The following KLHDC8A variants were observed in gnomAD, a reference collection of about 807,000 sequenced individuals.
KLHDC8A encodes the protein kelch domain containing 8A, also known as kelch domain-containing protein 8A.
In KLHDC8A, 21 loss-of-function variants were observed where a neutral mutation model predicts 33.1. That is an observed-to-expected ratio of 0.64 (90% CI 0.45 to 0.91). The LOEUF is 0.91. KLHDC8A is among the 40% of genes least tolerant of loss of function. The pLI, the probability that KLHDC8A is intolerant of heterozygous loss-of-function variation, is 0.00. For synonymous variants in KLHDC8A, 173 were observed against 193.5 expected, an observed-to-expected ratio of 0.89 and a Z score of 0.88; for missense variants, 435 against 483.3, an observed-to-expected ratio of 0.90 and a Z score of 0.94.
At chr1:205,356,296 T>A (rs1389122149) in intron 1 of KLHDC8A, among the ~76,000 whole-genome samples, 1 of 151,958 alleles carries the variant, frequency 6.6e-6, no homozygotes, top group Non-Finnish European at 1.5e-5. Context: ...TGGACAGCAA[T>A]CTTTGGAGTT....
chr1:205,344,286 A>C (rs1284440323), intron 1 of KLHDC8A: 1 of 152,282 alleles, frequency 6.6e-6, no homozygotes, highest in Non-Finnish European at 1.5e-5. Flanking sequence ...GAGGAGATGA[A>C]GTGAACAGCA....
chr1:205,355,689 A>G (rs1396984716), intron 1 of KLHDC8A, among the ~76,000 whole-genome samples: 1 of 152,176 alleles, frequency 6.6e-6, no homozygotes, highest in Non-Finnish European at 1.5e-5. Flanking sequence ...GTCATTGTAC[A>G]AAGGTGAAAA....
intron 2 of KLHDC8A, 77 bp downstream of exon 2, chr1:205,343,152 C>G (rs7549293): frequency 0.6 from 902,273 of 1,512,720 alleles, 270,488 homozygotes; most frequent in South Asian, 0.68. Context: ...CAGCAAATGC[C>G]TGTTGGTTTC....
intron 2 of KLHDC8A, among the ~76,000 whole-genome samples, chr1:205,342,359 C>T (rs1186896613): frequency 6.6e-6 from 1 of 152,246 alleles, no homozygotes; most frequent in Non-Finnish European, 1.5e-5. Flanking sequence ...AGAAGCCCCA[C>T]TGGCCATGCT....
At chr1:205,356,084 TC>T (rs1351690425) in intron 1 of KLHDC8A, among the ~76,000 whole-genome samples, 8 of 105,096 alleles carry the variant, frequency 7.6e-5, no homozygotes, top group East Asian at 2.5e-4. Context: ...CTTGTCCCCC[TC>T]CCCCCCTCCC....
intron 2 of KLHDC8A, among the ~76,000 whole-genome samples, chr1:205,340,106 C>T (rs1039382506): frequency 3.3e-5 from 5 of 152,046 alleles, no homozygotes; most frequent in Non-Finnish European, 5.9e-5. Context: ...CCTTGACCTC[C>T]TGGGCTCAAG....
rs72747079 is a variant in KLHDC8A, at chr1:205,354,202, G to A, written c.-190+2331C>T. Reference sequence around the variant, plus strand: ...ACAATAGTGACAGCTCCACATCAGCGCCATCTCCCTTTTCTTGCCTCTTTC... The same window carrying A: ...ACAATAGTGACAGCTCCACATCAGCACCATCTCCCTTTTCTTGCCTCTTTC... On this transcript the variant is annotated intron_variant, in intron 1 of 5. Transcript: ENST00000367155. Among the ~76,000 whole-genome samples, 1,064 of 152,304 alleles carry A rather than the reference G, an allele frequency of 7.0e-3. 6 individuals carry two copies. The highest frequency in any genetic ancestry group is 0.016 in the Admixed American group (238 of 15,306).
intron 1 of KLHDC8A, among the ~76,000 whole-genome samples, chr1:205,346,523 A>G (rs1441076400): frequency 6.6e-6 from 1 of 152,148 alleles, no homozygotes; most frequent in African/African-American, 2.4e-5. Context: ...TGTATGTTTT[A>G]TTTGTGTCAC....
At chr1:205,351,605 A>G (rs1218231932) in intron 1 of KLHDC8A, 2 of 83,698 alleles carry the variant, frequency 2.4e-5, no homozygotes, top group South Asian at 1.8e-4. Context: ...TAATAGTCAA[A>G]AAAAAAAAAA....
rs773339042 is a variant in KLHDC8A, at chr1:205,339,443, AG to A, written c.542-35del. 2.6e-4 allele frequency: 408 copies of A among 1,592,022 alleles called. No homozygotes were observed. Among genetic ancestry groups the A allele is most frequent in the Non-Finnish European group, 2.8e-4 (323 of 1,162,260 alleles). On this transcript the variant is annotated intron_variant, in intron 3 of 5. Transcript: ENST00000367155. The surrounding 1 kb of genome is among the most constrained non-coding windows in gnomAD (Gnocchi z 5.1). The stretch of plus-strand genomic sequence containing the variant: ...CAGAGCAGGATAGAGGTTGGGCAGA[AG>A]GGTTGTCCCTGAGGACAGCGACAGT...
At chr1:205,346,689 G>A (rs375316161) in intron 1 of KLHDC8A, among the ~76,000 whole-genome samples, 13 of 152,328 alleles carry the variant, frequency 8.5e-5, no homozygotes, top group East Asian at 1.9e-4. Context: ...CATGCAGGCC[G>A]TTCAGAGTGG....
Position 205,338,509 on chromosome 1 carries a change from A to T in KLHDC8A, c.845T>A (p.Val282Glu), listed in dbSNP as rs1662696261. The T allele has an allele frequency of 6.2e-7, 1 of 1,613,692 alleles. No homozygotes were observed. The highest frequency in any genetic ancestry group is 2.2e-5 in the East Asian group (1 of 44,880). ...VAGSLSGRVI[V>E]AGGLGNQPTV... ...GCCATCCTTACCAAGTCCCCCAGCC[A>T]CTATGACCCGTCCACTCAGAGAGCC... The change falls in exon 5 of 6, where the codon GTG becomes GAG. Residue 282 changes from valine (V) to glutamate (E), a missense_variant. Coordinates refer to ENST00000367155, the MANE Select transcript of KLHDC8A (RefSeq NM_018203.3).
chr1:205,340,885 C>T (rs1662771717), intron 2 of KLHDC8A, among the ~76,000 whole-genome samples: 1 of 152,190 alleles, frequency 6.6e-6, no homozygotes, highest in African/African-American at 2.4e-5. Context: ...TGTCACTGGC[C>T]TATGGGACAC....
rs58041671 is a variant in KLHDC8A, at chr1:205,350,828, C to CGTGT, written c.-190+5704_-190+5705insACAC. ...GTGTGTGCATGTGTGTGTGTGCATGCATGTGTGTGCGCGCACGCATGTGTG... is the reference window on the plus strand; with the variant it reads ...GTGTGTGCATGTGTGTGTGTGCATGCGTGTATGTGTGTGCGCGCACGCATGTGTG... On this transcript the variant is annotated intron_variant, in intron 1 of 5. Coordinates refer to ENST00000367155, the MANE Select transcript of KLHDC8A (RefSeq NM_018203.3). Among the ~76,000 whole-genome samples the CGTGT allele has an allele frequency of 7.9e-5, 12 of 151,858 alleles. No homozygotes were observed. The East Asian group carries it at 2.1e-3, about 27-fold the overall frequency.
intron 1 of KLHDC8A, among the ~76,000 whole-genome samples, chr1:205,349,562 G>A (rs541122050): frequency 6.6e-6 from 1 of 152,318 alleles, no homozygotes; most frequent in South Asian, 2.1e-4. Flanking sequence ...GAAGCCACAC[G>A]CTCCTCTGCT....
At position 205,356,836 on chromosome 1, in the gene KLHDC8A, C is replaced by CT. The variant is rs1268053577; in HGVS notation, c.-494dup. 1 of 282,608 alleles carries CT rather than the reference C, an allele frequency of 3.5e-6. No homozygotes were observed. Among genetic ancestry groups the CT allele is most frequent in the Non-Finnish European group, 7.1e-6 (1 of 140,940 alleles). 17.5% of individuals were successfully genotyped at this position (282,608 alleles called of 1,614,324 possible). ...AGTTCCAGGAGGCGTGACCCCCCTA[C>CT]TGAGAGGGCCTCAGCCAGCTCGTCA... On this transcript the variant is annotated 5_prime_UTR_variant, in exon 1 of 6. Transcript: ENST00000367155.
intron 5 of KLHDC8A, 140 bp downstream of exon 5, chr1:205,338,355 A>G: frequency 1.5e-6 from 1 of 645,190 alleles, no homozygotes; most frequent in Non-Finnish European, 2.8e-6. Context: ...GAAGAAAGGG[A>G]GTGCTTCGAA....
At chr1:205,349,373 G>C (rs1416743127) in intron 1 of KLHDC8A, among the ~76,000 whole-genome samples, 1 of 152,186 alleles carries the variant, frequency 6.6e-6, no homozygotes, top group Non-Finnish European at 1.5e-5. Flanking sequence ...GGAACCTAGA[G>C]GGCCTTAGTG....
At position 205,337,042 on chromosome 1, in the gene KLHDC8A, C is replaced by A; in HGVS notation, c.*357G>T. On this transcript the variant is annotated 3_prime_UTR_variant, in exon 6 of 6. Coordinates refer to ENST00000367155, the MANE Select transcript of KLHDC8A (RefSeq NM_018203.3). ...GGAAAGACAGCAACAGCAGTCTATC[C>A]TCTCGGTCAGAACTGCTCTACCTGC... 1 of 256,024 alleles carries A rather than the reference C, an allele frequency of 3.9e-6. No homozygotes were observed. Among genetic ancestry groups the A allele is most frequent in the Non-Finnish European group, 7.6e-6 (1 of 131,330 alleles). The allele number at this position is 256,024 out of a possible 1,614,324, so 15.9% of individuals were successfully genotyped here.
Sources: gnomAD v4.1 joint callset for allele counts (sites outside exome capture counted in the v4.1 genomes callset) on GRCh38, gnomAD v4.1.1 for gene constraint, Gnocchi (gnomAD v3.1) non-coding constraint, MANE v1.5 for transcripts, NCBI Gene and HGNC (gene_info 2026-07-23, HGNC 2026-07-21) for gene names.